MBOAT2: variants seen among roughly 807,000 people sequenced by gnomAD.
MBOAT2 encodes membrane bound glycerophospholipid O-acyltransferase 2.
MBOAT2 carries 28 observed loss-of-function variants against 63.4 expected under a neutral mutation model. The ratio of observed to expected loss-of-function variants is 0.44; its 90% CI spans 0.33 to 0.61. MBOAT2 has a LOEUF of 0.61. Among genes scored for constraint, MBOAT2 ranks in the 20% least tolerant of loss-of-function variants. MBOAT2 has a pLI of 0.03. For missense variants in MBOAT2, 470 were observed against 605.8 expected (o/e 0.78, Z 2.35); for synonymous variants, 211 against 215.6 (o/e 0.98, Z 0.19).
At chr2:8,996,084 T>C (rs1405431299) in intron 1 of MBOAT2, among the ~76,000 whole-genome samples, 2 of 152,184 alleles carry the variant, frequency 1.3e-5, no homozygotes, top group Non-Finnish European at 2.9e-5. Flanking sequence ...CAAAGTGATC[T>C]TTGACACAGG....
chr2:8,905,457 T>G (rs1169244604), intron 4 of MBOAT2, among the ~76,000 whole-genome samples: 2 of 152,212 alleles, frequency 1.3e-5, no homozygotes, highest in East Asian at 1.9e-4. Context: ...AAAAGTTTTC[T>G]CCTATACTAT....
intron 3 of MBOAT2, among the ~76,000 whole-genome samples, chr2:8,940,683 CAT>C (rs148082822): frequency 0.064 from 9,788 of 152,128 alleles, 382 homozygotes; most frequent in South Asian, 0.13. Context: ...AGTGTGTATA[CAT>C]GTGTGTGTGT....
chr2:8,979,110 T>G (rs1464024155), intron 1 of MBOAT2, among the ~76,000 whole-genome samples: 1 of 152,206 alleles, frequency 6.6e-6, no homozygotes, highest in African/African-American at 2.4e-5. Flanking sequence ...TCATCAGATT[T>G]CCATTAGATA....
chr2:8,865,130 T>C (rs1001355245), intron 9 of MBOAT2, among the ~76,000 whole-genome samples: 4 of 152,224 alleles, frequency 2.6e-5, no homozygotes, highest in African/African-American at 9.7e-5. Context: ...AATCCTGTTT[T>C]CCTAGACAGT....
chr2:8,912,413 A>AAGAAAGAAAGAAAGAAAGAAAGAAAGAC (rs1274023844), intron 3 of MBOAT2, among the ~76,000 whole-genome samples: 2 of 136,870 alleles, frequency 1.5e-5, no homozygotes, highest in African/African-American at 5.4e-5. Flanking sequence ...GAAAGAAAGA[A>AAGAAAGAAAGAAAGAAAGAAAGAAAGAC]AGACAGGCCG....
At chr2:8,896,004 G>A (rs188325687) in intron 4 of MBOAT2, among the ~76,000 whole-genome samples, 13 of 152,220 alleles carry the variant, frequency 8.5e-5, no homozygotes, top group East Asian at 5.8e-4. Context: ...TTGGGAGGCC[G>A]AGGCGGGCGG....
intron 3 of MBOAT2, among the ~76,000 whole-genome samples, chr2:8,937,899 G>A (rs1218917575): frequency 1.3e-5 from 2 of 152,080 alleles, no homozygotes; most frequent in East Asian, 3.9e-4. Flanking sequence ...ACTCACACTC[G>A]CCAGGGAGAG....
At position 8,858,888 on chromosome 2, in the gene MBOAT2, G is replaced by C; in HGVS notation, c.1354C>G (p.Leu452Val). Residue 452 changes from leucine to valine, a missense_variant, in exon 13 of 13, where the codon CTG becomes GTG. Around this residue, in one of 3 missense-constraint regions of MBOAT2, gnomAD observed 90 missense variants for 84.9 expected, o/e 1.06. Coordinates refer to ENST00000305997, the MANE Select transcript of MBOAT2 (RefSeq NM_138799.4). ...LTFYSSWYYCLHILGILVLLL... is the reference protein window; with the variant it reads ...LTFYSSWYYCVHILGILVLLL... ...AATACTAAGATACCAAGAATGTGCA[G>C]GCAATAATACCAGGAGCTAAAAGAA... is the stretch of plus-strand genomic sequence containing the variant. The C allele has an allele frequency of 6.2e-7, 1 of 1,609,380 alleles. No homozygotes were observed. The highest frequency in any genetic ancestry group is 8.5e-7 in the Non-Finnish European group (1 of 1,178,272).
At chr2:8,869,409 A>G (rs1179232039) in intron 8 of MBOAT2, among the ~76,000 whole-genome samples, 2 of 152,130 alleles carry the variant, frequency 1.3e-5, no homozygotes, top group South Asian at 2.1e-4. Context: ...CTTTATGTAC[A>G]TGCTTAAGCT....
chr2:8,970,347 A>C (rs202040597), intron 1 of MBOAT2, among the ~76,000 whole-genome samples: 55 of 149,796 alleles, frequency 3.7e-4, no homozygotes, highest in African/African-American at 5.4e-4. Flanking sequence ...AACATACCAG[A>C]ATCTCTGGGA....
chr2:8,873,633 CTAAT>C (rs1662503479), intron 7 of MBOAT2, among the ~76,000 whole-genome samples: 1 of 152,104 alleles, frequency 6.6e-6, no homozygotes, highest in African/African-American at 2.4e-5. Context: ...AAAATTAACA[CTAAT>C]TACTTTTGGC....
intron 3 of MBOAT2, among the ~76,000 whole-genome samples, chr2:8,910,265 C>A (rs1030937137): frequency 1.3e-5 from 2 of 151,688 alleles, no homozygotes; most frequent in African/African-American, 4.9e-5. Flanking sequence ...TGATCACACA[C>A]ATCTAGGGGA....
intron 4 of MBOAT2, among the ~76,000 whole-genome samples, chr2:8,904,136 G>C (rs1024942209): frequency 1.3e-5 from 2 of 151,704 alleles, no homozygotes; most frequent in Non-Finnish European, 2.9e-5. Flanking sequence ...GCCACCACGT[G>C]GCTAATTTTT....
At chr2:8,950,110 C>T (rs1431843023) in intron 2 of MBOAT2, among the ~76,000 whole-genome samples, 6 of 151,974 alleles carry the variant, frequency 3.9e-5, no homozygotes, top group Admixed American at 3.9e-4. Flanking sequence ...CTTGATTTGG[C>T]TCTCAGCTTG....
At chr2:8,892,835 A>T (rs114801735) in intron 4 of MBOAT2, among the ~76,000 whole-genome samples, 2 of 152,046 alleles carry the variant, frequency 1.3e-5, no homozygotes, top group African/African-American at 4.8e-5. Context: ...GGCATGTTGG[A>T]GGATCAGTAC....
At chr2:8,948,198 T>C (rs1668557872) in intron 2 of MBOAT2, among the ~76,000 whole-genome samples, 1 of 152,216 alleles carries the variant, frequency 6.6e-6, no homozygotes, top group Non-Finnish European at 1.5e-5. Flanking sequence ...AAGATGTGAC[T>C]GATTACTGCA....
intron 6 of MBOAT2, among the ~76,000 whole-genome samples, chr2:8,880,527 G>A (rs1259475965): frequency 6.6e-6 from 1 of 152,232 alleles, no homozygotes; most frequent in Non-Finnish European, 1.5e-5. Flanking sequence ...GATAAATGAG[G>A]CTGGAGCCGA....
At position 8,933,116 on chromosome 2, in the gene MBOAT2, T is replaced by C. The variant is rs140580826; in HGVS notation, c.299+10071A>G. Among the ~76,000 whole-genome samples the C allele has an allele frequency of 6.4e-3, 970 of 152,328 alleles. 14 individuals are homozygous for C. The highest frequency in any genetic ancestry group is 0.022 in the African/African-American group (916 of 41,572). On this transcript the variant is annotated intron_variant, in intron 3 of 12. Coordinates refer to ENST00000305997, the MANE Select transcript of MBOAT2 (RefSeq NM_138799.4). ...TTTTTTTATCATTCTAATGGATGGT[T>C]GCATGGGCTCTTAATTTTTCTTTCA...
chr2:8,889,499 C>T (rs1420867070), intron 4 of MBOAT2, among the ~76,000 whole-genome samples: 2 of 152,190 alleles, frequency 1.3e-5, no homozygotes, highest in Non-Finnish European at 2.9e-5. Context: ...GGAAATCATG[C>T]TTCAACCAAC....
Sources: allele counts gnomAD v4.1 joint callset (sites outside exome capture counted in the v4.1 genomes callset), GRCh38; gene constraint gnomAD v4.1.1; regional missense constraint gnomAD v4.1.1; transcripts MANE v1.5; gene names NCBI Gene and HGNC (gene_info 2026-07-23, HGNC 2026-07-21).